The following DKC1 variants were observed in gnomAD, a reference collection of about 807,000 sequenced individuals.
DKC1 encodes the protein dyskerin pseudouridine synthase 1.
DKC1 carries 4 observed loss-of-function variants against 46.7 expected under a neutral mutation model. The ratio of observed to expected loss-of-function variants is 0.09; its 90% CI spans 0.04 to 0.20. DKC1 has a LOEUF of 0.20. DKC1 is among the 10% of genes least tolerant of loss of function. DKC1 has a pLI of 1.00. For missense variants in DKC1, 171 were observed against 404.2 expected (o/e 0.42, Z 4.95); for synonymous variants, 141 against 142.4 (o/e 0.99, Z 0.07).
chrX:154,770,485 A>G (rs958041683), intron 9 of DKC1, among the ~76,000 whole-genome samples: 4 of 108,428 alleles, frequency 3.7e-5, no homozygotes, highest in Non-Finnish European at 3.8e-5. Context: ...AAAAAAAAAA[A>G]AAAAGAAAAT....
chrX:154,776,895 A>G lies in DKC1; in HGVS notation c.*28A>G, dbSNP rs2071906985. 8.9e-7 allele frequency: 1 copy of G among 1,123,872 alleles called. No homozygotes were observed. The highest frequency in any genetic ancestry group is 1.8e-5 in the African/African-American group (1 of 56,079). 92.6% of individuals were successfully genotyped at this position (1,123,872 alleles called of 1,213,427 possible). On this transcript the variant is annotated 3_prime_UTR_variant, in exon 15 of 15. Transcript: ENST00000369550. ...AAGGCCACTTGAAGCTGGAGGAGAA[A>G]CTAAAGCCTTATTGAGAAAACATGT...
chrX:154,768,859 C>T (rs957323742), intron 8 of DKC1: 8 of 277,595 alleles, frequency 2.9e-5, no homozygotes, highest in Admixed American at 1.2e-4. Flanking sequence ...CGGTGGCGGG[C>T]GCCTGTAGTC....
chrX:154,768,278 T>C, intron 7 of DKC1, 24 bp from the exon 8 acceptor site: 1 of 1,211,046 alleles, frequency 8.3e-7, no homozygotes, highest in South Asian at 1.8e-5. Flanking sequence ...GGTGCTGCTT[T>C]TCTTTTGTGT....
intron 11 of DKC1, among the ~76,000 whole-genome samples, chrX:154,773,757 G>C (rs186546138): frequency 8.9e-6 from 1 of 111,967 alleles, no homozygotes; most frequent in Non-Finnish European, 1.9e-5. Flanking sequence ...CACCTTTCCC[G>C]CCTTTCTATT....
chrX:154,771,485 ATT>A (rs58087354), intron 10 of DKC1, among the ~76,000 whole-genome samples: 5 of 95,849 alleles, frequency 5.2e-5, no homozygotes, highest in East Asian at 3.2e-4. Context: ...GCCGGGCCTG[ATT>A]TTTTTTTTTT....
intron 9 of DKC1, 27 bp from the exon 10 acceptor site, chrX:154,770,730 GCC>G (rs782011194): frequency 1.7e-6 from 2 of 1,209,903 alleles, no homozygotes; most frequent in East Asian, 5.9e-5. Flanking sequence ...CAGCAGCTGG[GCC>G]CCTTACACTT....
chrX:154,764,742 C>T (rs1340021554), intron 1 of DKC1, among the ~76,000 whole-genome samples, 157 bp from the exon 2 acceptor site: 1 of 111,800 alleles, frequency 8.9e-6, no homozygotes, highest in Non-Finnish European at 1.9e-5. Flanking sequence ...GCCACCATCA[C>T]ATACGCAGTC....
intron 9 of DKC1, among the ~76,000 whole-genome samples, chrX:154,770,465 A>C (rs782642533): frequency 2.0e-3 from 126 of 64,018 alleles, no homozygotes; most frequent in Non-Finnish European, 3.8e-3. Context: ...CTGCCTGAAA[A>C]TTAAAAAAAA....
intron 11 of DKC1, among the ~76,000 whole-genome samples, chrX:154,773,705 CCA>C (rs1557265239): frequency 3.6e-5 from 4 of 112,100 alleles, no homozygotes; most frequent in Non-Finnish European, 3.8e-5. Flanking sequence ...CTACTTCTCT[CCA>C]CACAGACACG....
At position 154,764,761 on chromosome X, in the gene DKC1, C is replaced by A. The variant is rs182014806; in HGVS notation, c.17-138C>A. The A allele has an allele frequency of 7.9e-6, 4 of 506,331 alleles. No individual in the cohort carries two copies. In the African/African-American group the frequency reaches 9.4e-5, roughly 12 times the overall value. The allele number at this position is 506,331 out of a possible 1,213,427, so 41.7% of individuals were successfully genotyped here. A position where few individuals can be genotyped will look rare whatever the true frequency, so the allele number is the denominator to read the frequency against. On this transcript the variant is annotated intron_variant, in intron 1 of 14. Transcript: ENST00000369550. ...CCATCACATACGCAGTCTGTACTTG[C>A]AAAACATTATGTGGCATGTGACTGT...
chrX:154,767,452 T>G, intron 7 of DKC1, 70 bp downstream of exon 7: 1 of 1,159,615 alleles, frequency 8.6e-7, no homozygotes, highest in South Asian at 1.8e-5. Flanking sequence ...TAAAAGTAGA[T>G]GCCCTTGAAG....
At position 154,777,368 on chromosome X, in the gene DKC1, G is replaced by A. The variant is rs1894387268; in HGVS notation, c.*501G>A. The A allele has an allele frequency of 2.3e-5, 3 of 132,621 alleles. No individual in the cohort carries two copies. In the South Asian group the frequency reaches 6.8e-4, roughly 30 times the overall value. The allele number at this position is 132,621 out of a possible 1,213,427, so 10.9% of individuals were successfully genotyped here. A position where few individuals can be genotyped will look rare whatever the true frequency, so the allele number is the denominator to read the frequency against. On this transcript the variant is annotated 3_prime_UTR_variant, in exon 15 of 15. Transcript: ENST00000369550. ...ATGCTGGTGTCTGGGTTATAGGCCT[G>A]ATGGGCCTGGTAGTTTTCCATCTTG...
chrX:154,766,674 T>C (rs2071749123), intron 5 of DKC1: 3 of 431,267 alleles, frequency 7.0e-6, no homozygotes, highest in South Asian at 6.8e-5. Flanking sequence ...CTTCTCACTC[T>C]GTGCTACCGC....
At chrX:154,768,687 C>T (rs371311715) in intron 8 of DKC1, 61 of 448,058 alleles carry the variant, frequency 1.4e-4, no homozygotes, top group Middle Eastern at 3.8e-4. Flanking sequence ...AATACTTCAA[C>T]GGTTAAAGAT....
chrX:154,763,736 T>G (rs955658515), intron 1 of DKC1, among the ~76,000 whole-genome samples: 1 of 112,386 alleles, frequency 8.9e-6, no homozygotes, highest in Non-Finnish European at 1.9e-5. Context: ...ACTACACACC[T>G]AGGCTGTATA....
Position 154,762,927 on chromosome X carries a change from G to T in DKC1, c.-39G>T. On this transcript the variant is annotated 5_prime_UTR_variant, in exon 1 of 15. Transcript: ENST00000369550. ...GGCGGGAGTCTGCGGTCGTTCCCTC[G>T]GCTGTGGACCGGGCGGCACGCACGC... 8.5e-7 allele frequency: 1 copy of T among 1,174,814 alleles called. No homozygotes were observed. The highest frequency in any genetic ancestry group is 3.2e-5 in the East Asian group (1 of 31,547).
At chrX:154,773,284 CTTTTTT>C (rs782491644) in intron 11 of DKC1, 35 bp downstream of exon 11, 4 of 351,169 alleles carry the variant, frequency 1.1e-5, no homozygotes, top group African/African-American at 4.2e-5. Context: ...CTGCCAGGTT[CTTTTTT>C]TTTTTTTTTT....
In DKC1 at chrX:154,767,297, A is replaced by T. The variant is rs2071758214; in HGVS notation, c.555A>T (p.Pro185=). ...TLTGALFQRP[P]LIAAVKRQLR... ...CAGGTGCCTTATTCCAGCGACCCCC[A>T]CTTATTGCTGCAGTAAAGAGGCAGC... The change falls in exon 7 of 15, where the codon CCA becomes CCT. Residue 185 remains proline, a synonymous_variant. Coordinates refer to ENST00000369550, the MANE Select transcript of DKC1 (RefSeq NM_001363.5). The T allele has an allele frequency of 8.3e-7, 1 of 1,211,299 alleles. No individual in the cohort carries two copies. The highest frequency in any genetic ancestry group is 1.7e-5 in the African/African-American group (1 of 57,662).
intron 11 of DKC1, 108 bp from the exon 12 acceptor site, chrX:154,774,494 C>T: frequency 1.5e-6 from 1 of 664,158 alleles, no homozygotes; most frequent in Non-Finnish European, 2.4e-6. Context: ...GAGTTTGAGG[C>T]CCTGCTGAGA....
Sources: gnomAD v4.1 joint callset for allele counts (sites outside exome capture counted in the v4.1 genomes callset) on GRCh38, gnomAD v4.1.1 for gene constraint, MANE v1.5 for transcripts, NCBI Gene and HGNC (gene_info 2026-07-23, HGNC 2026-07-21) for gene names.